Variants in SPTBN1 observed in about 807,000 individuals in gnomAD.
The protein encoded by SPTBN1 is spectrin beta chain, non-erythrocytic 1.
SPTBN1 carries 32 observed loss-of-function variants against 266.4 expected under a neutral mutation model. That is an observed-to-expected ratio of 0.12 (90% CI 0.09 to 0.16). SPTBN1 has a LOEUF of 0.16. Among genes scored for constraint, SPTBN1 ranks in the 10% least tolerant of loss-of-function variants. The pLI, the probability that SPTBN1 is intolerant of heterozygous loss-of-function variation, is 1.00. For missense variants in SPTBN1, 2,296 were observed against 3,067.1 expected, an observed-to-expected ratio of 0.75 and a Z score of 5.94; for synonymous variants, 1,336 against 1,162.2, an observed-to-expected ratio of 1.15 and a Z score of -3.04.
intron 2 of SPTBN1, among the ~76,000 whole-genome samples, chr2:54,545,110 C>T (rs1672163873): frequency 1.3e-5 from 2 of 152,198 alleles, no homozygotes; most frequent in African/African-American, 4.8e-5. Flanking sequence ...ATGAACTCAT[C>T]CTTTTTTATG....
intron 1 of SPTBN1, among the ~76,000 whole-genome samples, chr2:54,484,092 T>C (rs7578287): frequency 0.61 from 92,272 of 152,004 alleles, 29,420 homozygotes; most frequent in African/African-American, 0.81. Context: ...AGGCTGAGGT[T>C]GGAGGATTAC....
intron 2 of SPTBN1, among the ~76,000 whole-genome samples, chr2:54,590,327 C>G (rs759092072): frequency 6.6e-6 from 1 of 152,178 alleles, no homozygotes; most frequent in Non-Finnish European, 1.5e-5. Flanking sequence ...TGAAATTTCC[C>G]TCCTCAACAA....
At chr2:54,640,526 C>CCAT (rs771390881) in intron 18 of SPTBN1, among the ~76,000 whole-genome samples, 53 of 152,214 alleles carry the variant, frequency 3.5e-4, no homozygotes, top group Non-Finnish European at 4.9e-4. Flanking sequence ...AAGATAGAGA[C>CCAT]CATCATCATC....
chr2:54,630,068 T>C (rs1216353272), intron 15 of SPTBN1, 39 bp downstream of exon 15: 1 of 1,600,740 alleles, frequency 6.2e-7, no homozygotes, highest in Admixed American at 1.7e-5. Flanking sequence ...CTCCCACGTG[T>C]GGGACTGGGG....
In SPTBN1 at chr2:54,628,810, A is replaced by G. The variant is rs771015887; in HGVS notation, c.1799-123A>G. ...CCATTGCCTTATCGCATGGCCCTGC[A>G]TTTACATTTAGCAGTGAGCTGGTAA... On this transcript the variant is annotated intron_variant, in intron 13 of 35. Coordinates refer to ENST00000356805, the MANE Select transcript of SPTBN1 (RefSeq NM_003128.3). This position sits in a 1 kb window ranked among gnomAD's most constrained non-coding sequence, Gnocchi z 4.3. The G allele has an allele frequency of 8.4e-6, 11 of 1,302,932 alleles. No individual in the cohort carries two copies. Among genetic ancestry groups the G allele is most frequent in the Non-Finnish European group, 1.0e-5 (10 of 960,490 alleles). 80.7% of individuals were successfully genotyped at this position (1,302,932 alleles called of 1,614,324 possible). A position where few individuals can be genotyped will look rare whatever the true frequency, so the allele number is the denominator to read the frequency against.
At chr2:54,591,308 C>G (rs1179497645) in intron 2 of SPTBN1, among the ~76,000 whole-genome samples, 1 of 152,142 alleles carries the variant, frequency 6.6e-6, no homozygotes, top group East Asian at 1.9e-4. Flanking sequence ...ATTGCTTCCT[C>G]CCCTTTTGAT....
At chr2:54,471,773 C>A (rs1693929882) in intron 1 of SPTBN1, among the ~76,000 whole-genome samples, 2 of 136,404 alleles carry the variant, frequency 1.5e-5, no homozygotes. Context: ...AATGTGTTAC[C>A]AAGAGGTGCT....
intron 2 of SPTBN1, 43 bp from the exon 3 acceptor site, chr2:54,599,049 A>C: frequency 6.2e-7 from 1 of 1,604,482 alleles, no homozygotes; most frequent in Non-Finnish European, 8.5e-7. Flanking sequence ...TGCTCCTGCC[A>C]GTTCTGTGGT....
intron 1 of SPTBN1, among the ~76,000 whole-genome samples, chr2:54,473,541 C>T (rs1694033187): frequency 6.6e-6 from 1 of 152,002 alleles, no homozygotes; most frequent in East Asian, 1.9e-4. Flanking sequence ...CATACACACA[C>T]ATCCTTGGAT....
At chr2:54,570,113 C>T (rs1438528153) in intron 2 of SPTBN1, among the ~76,000 whole-genome samples, 1 of 152,170 alleles carries the variant, frequency 6.6e-6, no homozygotes, top group Non-Finnish European at 1.5e-5. Flanking sequence ...AGCGAGCATC[C>T]AGCACTTGGT....
rs149016577 is a variant in SPTBN1, at chr2:54,525,865, G to T, written c.-47-507G>T. 2.4e-3 allele frequency among the ~76,000 whole-genome samples: 366 copies of T among 152,306 alleles called. 3 individuals are homozygous for T. The highest frequency in any genetic ancestry group is 7.8e-3 in the African/African-American group (326 of 41,560). ...CCCTGCCTCAGCCACCCAAGTAGCTGGGATTACAGGCATGTGCCACCACGC... is the reference window on the plus strand; with the variant it reads ...CCCTGCCTCAGCCACCCAAGTAGCTTGGATTACAGGCATGTGCCACCACGC... On this transcript the variant is annotated intron_variant, in intron 1 of 35. Coordinates refer to ENST00000356805, the MANE Select transcript of SPTBN1 (RefSeq NM_003128.3).
In SPTBN1 at chr2:54,481,391, AGTGTGTGTGTGTGTGTGTGT is replaced by A. The variant is rs72077761; in HGVS notation, c.-48+24904_-48+24923del. On this transcript the variant is annotated intron_variant, in intron 1 of 35. Transcript: ENST00000356805. ...GAAGATTAGAGGCTGCAGAAACCTG[AGTGTGTGTGTGTGTGTGTGT>A]GTGTGTGTGTGTGTGTGTGTGTGTG... Among the ~76,000 whole-genome samples the A allele has an allele frequency of 3.0e-4, 35 of 117,408 alleles. No homozygotes were observed. In the South Asian group the frequency reaches 3.4e-3, roughly 11 times the overall value. 77.0% of individuals were successfully genotyped at this position (117,408 alleles called of 152,430 possible).
chr2:54,606,545 C>T (rs1676852030), intron 3 of SPTBN1, among the ~76,000 whole-genome samples: 1 of 152,140 alleles, frequency 6.6e-6, no homozygotes, highest in African/African-American at 2.4e-5. Context: ...GCAGTTAATC[C>T]CCATCCCTCA....
At chr2:54,500,542 A>AT (rs1436136501) in intron 1 of SPTBN1, among the ~76,000 whole-genome samples, 3 of 151,934 alleles carry the variant, frequency 2.0e-5, no homozygotes, top group African/African-American at 4.8e-5. Flanking sequence ...TGGATATTTT[A>AT]TTTTTTGTTT....
chr2:54,530,053 T>G (rs573227168), intron 2 of SPTBN1, among the ~76,000 whole-genome samples: 1 of 152,174 alleles, frequency 6.6e-6, no homozygotes, highest in African/African-American at 2.4e-5. Context: ...GACATTTTGC[T>G]TAGAGCCATA....
At chr2:54,652,608 G>T (rs935658591) in intron 26 of SPTBN1, 3 of 152,160 alleles carry the variant, frequency 2.0e-5, no homozygotes, top group African/African-American at 7.2e-5. Context: ...CCCCAAAGTA[G>T]GATCATAAAA....
At chr2:54,482,997 G>C (rs547223797) in intron 1 of SPTBN1, among the ~76,000 whole-genome samples, 72 of 152,332 alleles carry the variant, frequency 4.7e-4, no homozygotes, top group Non-Finnish European at 8.5e-4. Context: ...TGGCCCGAAG[G>C]GGTGTGGTGA....
In SPTBN1 at chr2:54,558,461, TAA is replaced by T. The variant is rs1673033499; in HGVS notation, c.148+31898_148+31899del. 1 of 1,068,734 alleles carries T rather than the reference TAA, an allele frequency of 9.4e-7. No homozygotes were observed. Among genetic ancestry groups the T allele is most frequent in the Non-Finnish European group, 1.1e-6 (1 of 883,594 alleles). 66.2% of individuals were successfully genotyped at this position (1,068,734 alleles called of 1,614,324 possible). A position where few individuals can be genotyped will look rare whatever the true frequency, so the allele number is the denominator to read the frequency against. ...TGGCATGCTTAGGATTGGCCATATT[TAA>T]AAGTTCTGAAGTAGAACCTGCGCCT... On this transcript the variant is annotated intron_variant, in intron 2 of 35. Transcript: ENST00000356805. The surrounding 1 kb of genome is among the most constrained non-coding windows in gnomAD (Gnocchi z 4.6).
intron 1 of SPTBN1, among the ~76,000 whole-genome samples, chr2:54,462,767 T>G (rs1693430264): frequency 6.6e-6 from 1 of 152,230 alleles, no homozygotes; most frequent in African/African-American, 2.4e-5. Context: ...CAGATCTAAT[T>G]TTATAAAATG....
Sources: allele counts gnomAD v4.1 joint callset (sites outside exome capture counted in the v4.1 genomes callset), GRCh38; gene constraint gnomAD v4.1.1; non-coding constraint Gnocchi (gnomAD v3.1); transcripts MANE v1.5; gene names NCBI Gene and HGNC (gene_info 2026-07-23, HGNC 2026-07-21).